PLD1: variants seen among roughly 807,000 people sequenced by gnomAD.
PLD1 encodes choline phosphatase 1.
Under a neutral mutation model 137.1 loss-of-function variants are expected in PLD1, and 112 were observed. The ratio of observed to expected loss-of-function variants is 0.82; its 90% CI spans 0.70 to 0.96. The LOEUF (loss-of-function observed/expected upper bound fraction) is 0.96, where lower values mean the gene tolerates loss of function less well. Ranked by LOEUF, PLD1 falls within the 40% of genes least tolerant of loss-of-function variation. The probability of loss-of-function intolerance (pLI) is 0.00; values close to 1 mark genes in which losing one functional copy is unlikely to be tolerated. For synonymous variants in PLD1, 431 were observed against 454.7 expected (o/e 0.95, Z 0.66); for missense variants, 1,321 against 1,342.0 (o/e 0.98, Z 0.24).
intron 1 of PLD1, among the ~76,000 whole-genome samples, chr3:171,761,537 C>T (rs191988533): frequency 2.6e-4 from 40 of 152,072 alleles, no homozygotes; most frequent in Non-Finnish European, 4.9e-4. Flanking sequence ...GTGGTTTTAC[C>T]GGGGTGTCTG....
chr3:171,672,278 T>C (rs1463245727), intron 19 of PLD1, among the ~76,000 whole-genome samples: 1 of 152,140 alleles, frequency 6.6e-6, no homozygotes. Flanking sequence ...CTGTCTGCCC[T>C]CTCGACACCC....
chr3:171,665,428 G>A (rs954120739), intron 19 of PLD1, among the ~76,000 whole-genome samples: 2 of 152,160 alleles, frequency 1.3e-5, no homozygotes, highest in African/African-American at 2.4e-5. Flanking sequence ...GGCCAGGGGC[G>A]GTGGCTCACA....
rs1732789657 is a variant in PLD1 at position 171,612,980 on chromosome 3, C to T, written c.2729-548G>A. On this transcript the variant is annotated intron_variant, in intron 24 of 26. Coordinates refer to ENST00000351298, the MANE Select transcript of PLD1 (RefSeq NM_002662.5). The surrounding 1 kb of genome is among the most constrained non-coding windows in gnomAD (Gnocchi z 4.1). ...GCCAGGAGTTTGAGACCAGCCTGGA[C>T]AACATAGCGAGACCTGGTCTCTACA... 6.6e-6 allele frequency among the ~76,000 whole-genome samples: 1 copy of T among 152,154 alleles called. No individual in the cohort carries two copies. The highest frequency in any genetic ancestry group is 2.4e-5 in the African/African-American group (1 of 41,444).
intron 11 of PLD1, among the ~76,000 whole-genome samples, chr3:171,700,095 T>G (rs1716113178): frequency 1.3e-5 from 2 of 150,882 alleles, no homozygotes; most frequent in Admixed American, 6.6e-5. Context: ...TGCTCACATA[T>G]GCACACAGGT....
At chr3:171,705,846 A>C (rs577538861) in intron 11 of PLD1, among the ~76,000 whole-genome samples, 21 of 152,326 alleles carry the variant, frequency 1.4e-4, no homozygotes, top group African/African-American at 5.1e-4. Flanking sequence ...ATAGGTGTCA[A>C]CAAACTATAG....
chr3:171,662,141 A>G lies in PLD1; in HGVS notation c.2259T>C (p.Ala753=), dbSNP rs1179066820. ...QLLRSAADWS[A]GIKYHEESIH... ...TGGACTCTTCATGGTACTTTATACC[A>G]GCAGACCAATCAGCAGCAGAGCGGA... Residue 753 remains alanine, a synonymous_variant, in exon 20 of 27, where the codon GCT becomes GCC. Transcript: ENST00000351298. 6 of 1,613,402 alleles carry G rather than the reference A, an allele frequency of 3.7e-6. No homozygotes were observed. The highest frequency in any genetic ancestry group is 1.1e-5 in the South Asian group (1 of 91,056).
At chr3:171,699,620 T>C in intron 12 of PLD1, 125 bp downstream of exon 12, 1 of 693,684 alleles carries the variant, frequency 1.4e-6, no homozygotes, top group South Asian at 1.9e-5. Context: ...AAACATTAGT[T>C]ATCCTACTTT....
intron 1 of PLD1, among the ~76,000 whole-genome samples, chr3:171,759,099 AT>A (rs11360641): frequency 0.16 from 23,664 of 151,196 alleles, 1,957 homozygotes; most frequent in South Asian, 0.22. Flanking sequence ...TATTAACACA[AT>A]TTTTTTTTTA....
intron 23 of PLD1, among the ~76,000 whole-genome samples, chr3:171,639,848 C>CTCTCTCTCTCTATATATATATATA (rs3050415): frequency 4.5e-5 from 5 of 110,190 alleles, no homozygotes; most frequent in African/African-American, 2.0e-4. Flanking sequence ...CTCTCTCTCT[C>CTCTCTCTCTCTATATATATATATA]TATATATATA....
At chr3:171,710,963 T>G (rs1199528971) in intron 9 of PLD1, among the ~76,000 whole-genome samples, 2 of 140,688 alleles carry the variant, frequency 1.4e-5, no homozygotes, top group Non-Finnish European at 3.0e-5. Context: ...AACCTCCGCC[T>G]CCCGGGTTCA....
At chr3:171,680,268 T>TTTTTTTGG (rs1713839278) in intron 16 of PLD1, among the ~76,000 whole-genome samples, 1 of 143,362 alleles carries the variant, frequency 7.0e-6, no homozygotes, top group African/African-American at 2.8e-5. Flanking sequence ...TTTTTTTTTT[T>TTTTTTTGG]GAGACTGGAG....
At chr3:171,657,343 A>T (rs149252242) in intron 21 of PLD1, among the ~76,000 whole-genome samples, 1 of 152,376 alleles carries the variant, frequency 6.6e-6, no homozygotes, top group African/African-American at 2.4e-5. Context: ...AAAAGATATC[A>T]AAGTACCACA....
chr3:171,632,321 CAT>C lies in PLD1; in HGVS notation c.2593+10517_2593+10518del, dbSNP rs568567539. On this transcript the variant is annotated intron_variant, in intron 23 of 26. Coordinates refer to ENST00000351298, the MANE Select transcript of PLD1 (RefSeq NM_002662.5). ...ATTTCAGATTAAAGGAAAATAAAGACATGTGACAATGTCACAAATTATTGTGA... is the reference window on the plus strand; with the variant it reads ...ATTTCAGATTAAAGGAAAATAAAGACGTGACAATGTCACAAATTATTGTGA... 2.5e-3 allele frequency among the ~76,000 whole-genome samples: 375 copies of C among 152,280 alleles called. 5 individuals are homozygous for C. The highest frequency in any genetic ancestry group is 8.4e-4 in the Non-Finnish European group (57 of 68,014).
At chr3:171,684,741 G>A (rs957017408) in intron 16 of PLD1, among the ~76,000 whole-genome samples, 4 of 152,236 alleles carry the variant, frequency 2.6e-5, no homozygotes, top group African/African-American at 9.6e-5. Context: ...GACAACAGAT[G>A]CATGCCACCA....
At chr3:171,682,752 T>C (rs1238076116) in intron 16 of PLD1, among the ~76,000 whole-genome samples, 1 of 152,144 alleles carries the variant, frequency 6.6e-6, no homozygotes, top group African/African-American at 2.4e-5. Flanking sequence ...GAGGTACCAA[T>C]AGCTGTGGGA....
At chr3:171,782,982 A>G (rs1418008819) in intron 1 of PLD1, among the ~76,000 whole-genome samples, 1 of 152,150 alleles carries the variant, frequency 6.6e-6, no homozygotes, top group Non-Finnish European at 1.5e-5. Flanking sequence ...ACGTTTGTCC[A>G]TGGTAAAGAG....
At chr3:171,687,705 C>G in intron 14 of PLD1, 121 bp from the exon 15 acceptor site, 2 of 662,466 alleles carry the variant, frequency 3.0e-6, no homozygotes, top group Non-Finnish European at 5.1e-6. Context: ...AACAGACATG[C>G]AATAATGTCT....
chr3:171,682,679 A>G lies in PLD1; in HGVS notation c.1867+4006T>C, dbSNP rs563079500. Among the ~76,000 whole-genome samples, 14 of 152,222 alleles carry G rather than the reference A, an allele frequency of 9.2e-5. No individual in the cohort carries two copies. In the East Asian group the frequency reaches 2.5e-3, roughly 27 times the overall value. On this transcript the variant is annotated intron_variant, in intron 16 of 26. Transcript: ENST00000351298. ...TTTTTAGTAGAACTTTTCTTTTTTG[A>G]AAACAAGTTCAGAAGGAACTCCAAT...
chr3:171,687,013 T>C (rs537969288), intron 15 of PLD1, among the ~76,000 whole-genome samples: 13 of 152,354 alleles, frequency 8.5e-5, no homozygotes, highest in Admixed American at 6.5e-4. Context: ...AAGCTTGATA[T>C]ATTTCTGGAT....
Sources: gnomAD v4.1 joint callset for allele counts (sites outside exome capture counted in the v4.1 genomes callset) on GRCh38, gnomAD v4.1.1 for gene constraint, Gnocchi (gnomAD v3.1) non-coding constraint, MANE v1.5 for transcripts, NCBI Gene and HGNC (gene_info 2026-07-23, HGNC 2026-07-21) for gene names.